Variants in SIMC1 observed in about 807,000 individuals in gnomAD.
SIMC1 encodes the protein SUMO interacting motifs containing 1.
SIMC1 carries 55 observed loss-of-function variants against 82.3 expected under a neutral mutation model. That is an observed-to-expected ratio of 0.67 (90% CI 0.54 to 0.84). The LOEUF (loss-of-function observed/expected upper bound fraction) is 0.84, where lower values mean the gene tolerates loss of function less well. Ranked by LOEUF, SIMC1 falls within the 40% of genes least tolerant of loss-of-function variation. SIMC1 has a pLI of 0.00. For missense variants in SIMC1, 915 were observed against 1,107.2 expected (o/e 0.83, Z 2.46); for synonymous variants, 353 against 426.3 (o/e 0.83, Z 2.12).
chr5:176,315,884 C>CA (rs1764880064), intron 5 of SIMC1, among the ~76,000 whole-genome samples: 1 of 152,012 alleles, frequency 6.6e-6, no homozygotes, highest in Non-Finnish European at 1.5e-5. Context: ...AATTTTAAAG[C>CA]AAAAAATTGG....
At chr5:176,281,029 C>T (rs1254799555) in intron 1 of SIMC1, among the ~76,000 whole-genome samples, 1 of 152,222 alleles carries the variant, frequency 6.6e-6, no homozygotes, top group Non-Finnish European at 1.5e-5. Context: ...AGAGTGTTTT[C>T]CAACTTGGTT....
chr5:176,305,112 G>A (rs1463080991), intron 4 of SIMC1, among the ~76,000 whole-genome samples: 3 of 140,500 alleles, frequency 2.1e-5, no homozygotes, highest in East Asian at 2.3e-4. Context: ...CAGCCCCGAC[G>A]CCCGGCCAGC....
At chr5:176,248,724 A>G (rs1761539346) in intron 1 of SIMC1, among the ~76,000 whole-genome samples, 1 of 152,086 alleles carries the variant, frequency 6.6e-6, no homozygotes, top group Non-Finnish European at 1.5e-5. Flanking sequence ...CCCATTCAGT[A>G]TGATATTGGC....
At position 176,290,239 on chromosome 5, in the gene SIMC1, GCCT is replaced by G. The variant is rs766334198; in HGVS notation, c.720_722del (p.Ser241del). 11 of 1,611,390 alleles carry G rather than the reference GCCT, an allele frequency of 6.8e-6. No homozygotes were observed. Among genetic ancestry groups the G allele is most frequent in the Admixed American group, 3.3e-5 (2 of 59,760 alleles). On this transcript the variant is annotated inframe_deletion, in exon 2 of 10. Coordinates refer to ENST00000429602, the MANE Select transcript of SIMC1 (RefSeq NM_001308195.2). ...GAGAGCCTCACCATGTCCACCACGA[GCCT>G]CCTCATGCCCACCACGAGCCTTGTC...
At chr5:176,310,444 A>G (rs1299375076) in intron 4 of SIMC1, among the ~76,000 whole-genome samples, 2 of 152,238 alleles carry the variant, frequency 1.3e-5, no homozygotes, top group Non-Finnish European at 2.9e-5. Context: ...CAAACCATCC[A>G]TAACTTGGAA....
At chr5:176,325,448 G>C (rs1765349074) in intron 7 of SIMC1, among the ~76,000 whole-genome samples, 1 of 151,726 alleles carries the variant, frequency 6.6e-6, no homozygotes. Context: ...CACTTTGGGA[G>C]ACCAAGGCGG....
intron 1 of SIMC1, among the ~76,000 whole-genome samples, chr5:176,269,871 A>G (rs1205725708): frequency 1.3e-5 from 2 of 151,932 alleles, no homozygotes; most frequent in African/African-American, 2.4e-5. Flanking sequence ...TGAGCCTCCC[A>G]GGTAGCTGGG....
chr5:176,291,503 A>T (rs965478691), intron 2 of SIMC1, among the ~76,000 whole-genome samples: 7 of 151,608 alleles, frequency 4.6e-5, no homozygotes, highest in Admixed American at 3.3e-4. Context: ...CGCCCAGCTG[A>T]TTTTTTGTAT....
At chr5:176,291,441 A>G (rs2113267000) in intron 2 of SIMC1, among the ~76,000 whole-genome samples, 1 of 145,012 alleles carries the variant, frequency 6.9e-6, no homozygotes, top group East Asian at 2.1e-4. Context: ...GGTTCACGTC[A>G]TTCGCTTGCC....
chr5:176,290,834 C>G lies in SIMC1; in HGVS notation c.1310C>G (p.Ser437Ter). ...AAACCTGGGTCTGCCCACGTACAAT[C>G]ACGAACACCACAAGGTGGGTTGTAC... is the stretch of plus-strand genomic sequence containing the variant. ...PAKPGSAHVQ[S>*]RTPQGGLYNR... The change falls in exon 2 of 10, where the codon TCA (serine) becomes TGA (stop). Residue 437 changes from serine (S) to a stop codon, truncating the protein, a stop_gained. Coordinates refer to ENST00000429602, the MANE Select transcript of SIMC1 (RefSeq NM_001308195.2). LOFTEE classifies it high-confidence loss of function. The G allele has an allele frequency of 6.2e-7, 1 of 1,613,792 alleles. No individual in the cohort carries two copies. Among genetic ancestry groups the G allele is most frequent in the Non-Finnish European group, 8.5e-7 (1 of 1,179,736 alleles).
At chr5:176,318,111 T>C (rs1362721346) in intron 5 of SIMC1, among the ~76,000 whole-genome samples, 3 of 151,994 alleles carry the variant, frequency 2.0e-5, no homozygotes. Flanking sequence ...AATCAGAGGC[T>C]GAAGTGAAGT....
intron 1 of SIMC1, among the ~76,000 whole-genome samples, chr5:176,287,236 C>G (rs1257262915): frequency 3.9e-5 from 6 of 152,306 alleles, no homozygotes; most frequent in Non-Finnish European, 7.3e-5. Context: ...ACCCAAATAT[C>G]CATCAATGAT....
intron 4 of SIMC1, among the ~76,000 whole-genome samples, chr5:176,300,285 AAATG>A (rs1663198629): frequency 6.6e-6 from 1 of 152,126 alleles, no homozygotes; most frequent in East Asian, 1.9e-4. Flanking sequence ...AATAGGGAAA[AAATG>A]AACAAAACTA....
Position 176,284,235 on chromosome 5 carries a change from C to G in SIMC1, c.130-5419C>G, listed in dbSNP as rs139746717. On this transcript the variant is annotated intron_variant, in intron 1 of 9. Transcript: ENST00000429602. ...AACAGAATATACATTCTTCTCAGCA[C>G]CACACCATACTTATTCCAAAACTGA... Among the ~76,000 whole-genome samples, 385 of 152,324 alleles carry G rather than the reference C, an allele frequency of 2.5e-3. 3 individuals carry two copies. Among genetic ancestry groups the G allele is most frequent in the African/African-American group, 8.8e-3 (364 of 41,578 alleles).
At chr5:176,320,534 AATTTTTAGT>A (rs891049223) in intron 5 of SIMC1, among the ~76,000 whole-genome samples, 3 of 151,750 alleles carry the variant, frequency 2.0e-5, no homozygotes, top group African/African-American at 7.3e-5. Context: ...ACGCCCTGCT[AATTTTTAGT>A]ATTTTTAGTA....
At chr5:176,344,423 C>T (rs1489264821) in intron 9 of SIMC1, among the ~76,000 whole-genome samples, 2 of 150,388 alleles carry the variant, frequency 1.3e-5, no homozygotes, top group East Asian at 2.0e-4. Context: ...GTAATCCCAG[C>T]ACTTTGGGAG....
chr5:176,263,405 A>C (rs1762081852), intron 1 of SIMC1: 5 of 1,533,090 alleles, frequency 3.3e-6, no homozygotes, highest in Non-Finnish European at 4.4e-6. Flanking sequence ...TATTTGGCTC[A>C]TAATTCTGCA....
At chr5:176,323,790 T>A (rs1225048170) in intron 6 of SIMC1, among the ~76,000 whole-genome samples, 1 of 151,660 alleles carries the variant, frequency 6.6e-6, no homozygotes, top group Non-Finnish European at 1.5e-5. Flanking sequence ...ATGGAGACCA[T>A]CCTGGCTAAC....
intron 1 of SIMC1, among the ~76,000 whole-genome samples, chr5:176,277,690 A>G (rs1490878755): frequency 7.9e-5 from 12 of 152,046 alleles, no homozygotes; most frequent in Admixed American, 5.2e-4. Context: ...TCCCAGCACC[A>G]TTTATTAACT....
Sources: gnomAD v4.1 joint callset for allele counts (sites outside exome capture counted in the v4.1 genomes callset) on GRCh38, gnomAD v4.1.1 for gene constraint, MANE v1.5 for transcripts, NCBI Gene and HGNC (gene_info 2026-07-23, HGNC 2026-07-21) for gene names.